The following MYLK variants were observed in gnomAD, a reference collection of about 807,000 sequenced individuals.
MYLK encodes the protein myosin light chain kinase, smooth muscle.
Under a neutral mutation model 203.4 loss-of-function variants are expected in MYLK, and 106 were observed. The observed-to-expected ratio is 0.52, with a 90% CI of 0.45 to 0.61. The LOEUF (loss-of-function observed/expected upper bound fraction) is 0.61. MYLK is among the 20% of genes least tolerant of loss of function. The pLI is 0.00. For missense variants in MYLK, 2,072 were observed against 2,442.3 expected, an observed-to-expected ratio of 0.85 and a Z score of 3.20; for synonymous variants, 867 against 959.5, an observed-to-expected ratio of 0.90 and a Z score of 1.78.
intron 3 of MYLK, among the ~76,000 whole-genome samples, chr3:123,830,829 C>A (rs1386268217): frequency 6.6e-6 from 1 of 152,208 alleles, no homozygotes; most frequent in Non-Finnish European, 1.5e-5. Context: ...AATGGAAACA[C>A]CCTAAGCCCC....
In MYLK at chr3:123,738,957, C is replaced by A. The variant is rs1468699497; in HGVS notation, c.528G>T (p.Gln176His). ...KLGRVVVKEG[Q>H]MGRFSCKITG... The stretch of plus-strand genomic sequence containing the variant: ...TGATCTTGCAGGAGAATCGTCCCAT[C>A]TGTCCTTCTTTGACCACAACTCGGC... Residue 176 changes from glutamine (Q) to histidine (H), a missense_variant, in exon 7 of 34, where the codon CAG becomes CAT. Transcript: ENST00000360304. The A allele has an allele frequency of 6.2e-7, 1 of 1,613,318 alleles. No individual in the cohort carries two copies. Among genetic ancestry groups the A allele is most frequent in the Non-Finnish European group, 8.5e-7 (1 of 1,179,778 alleles).
intron 2 of MYLK, among the ~76,000 whole-genome samples, chr3:123,843,631 T>A (rs2682233): frequency 0.021 from 3,146 of 152,246 alleles, 100 homozygotes; most frequent in African/African-American, 0.071. Context: ...GAAGACTGGT[T>A]CCTTCTGCAG....
At chr3:123,829,424 G>C (rs1001074805) in intron 3 of MYLK, among the ~76,000 whole-genome samples, 4 of 152,104 alleles carry the variant, frequency 2.6e-5, no homozygotes, top group Non-Finnish European at 5.9e-5. Flanking sequence ...GTAGAACAGA[G>C]CATACTAGAG....
At chr3:123,649,295 C>A in intron 24 of MYLK, 101 bp from the exon 25 acceptor site, 1 of 1,480,294 alleles carries the variant, frequency 6.8e-7, no homozygotes, top group East Asian at 2.3e-5. Context: ...CCTCAGCCTC[C>A]CCAGGCAGAC....
At chr3:123,634,657 TC>T (rs1393463295) in intron 29 of MYLK, among the ~76,000 whole-genome samples, 4 of 152,146 alleles carry the variant, frequency 2.6e-5, no homozygotes, top group African/African-American at 9.7e-5. Context: ...GCTGGTTCGC[TC>T]TGGCTTGAGG....
rs750871704 is a variant in MYLK at position 123,726,001 on chromosome 3, C to A, written c.1594G>T (p.Val532Leu). 6.2e-7 allele frequency: 1 copy of A among 1,614,198 alleles called. No homozygotes were observed. The highest frequency in any genetic ancestry group is 8.5e-7 in the Non-Finnish European group (1 of 1,180,030). ...DCAVIEGQDF[V>L]LQCSVRGTPV... is the part of the protein sequence containing the mutation. Reference sequence around the variant, plus strand: ...GTCCCCCGTACGGAGCACTGCAGCACAAAATCCTGGCCCTCAATAACAGCG... The same window carrying A: ...GTCCCCCGTACGGAGCACTGCAGCAAAAAATCCTGGCCCTCAATAACAGCG... The change falls in exon 12 of 34, where the codon GTG becomes TTG. Residue 532 changes from valine to leucine, a missense_variant. By Grantham distance (32) the Val-to-Leu change is conservative. Coordinates refer to ENST00000360304, the MANE Select transcript of MYLK (RefSeq NM_053025.4).
At chr3:123,615,730 C>T (rs1402339236) in intron 33 of MYLK, among the ~76,000 whole-genome samples, 1 of 151,280 alleles carries the variant, frequency 6.6e-6, no homozygotes, top group African/African-American at 2.4e-5. Flanking sequence ...GTCACTGCAA[C>T]TTCCAATGTC....
At chr3:123,754,444 A>G (rs1410711945) in intron 4 of MYLK, among the ~76,000 whole-genome samples, 1 of 152,220 alleles carries the variant, frequency 6.6e-6, no homozygotes, top group East Asian at 1.9e-4. Context: ...ATCAAAATCT[A>G]AACTATACTC....
At chr3:123,704,136 G>A (rs746083998) in intron 16 of MYLK, among the ~76,000 whole-genome samples, 7 of 152,320 alleles carry the variant, frequency 4.6e-5, no homozygotes, top group Non-Finnish European at 1.0e-4. Context: ...CAGTCTAAGG[G>A]GTCAGAGAAA....
At chr3:123,823,060 G>C (rs2065990475) in intron 3 of MYLK, among the ~76,000 whole-genome samples, 1 of 152,100 alleles carries the variant, frequency 6.6e-6, no homozygotes, top group Non-Finnish European at 1.5e-5. Context: ...TGTGATAATG[G>C]GTTTAAACAC....
intron 18 of MYLK, among the ~76,000 whole-genome samples, chr3:123,696,767 G>A (rs1352284328): frequency 6.6e-6 from 1 of 152,022 alleles, no homozygotes; most frequent in Non-Finnish European, 1.5e-5. Flanking sequence ...TTGTCTTTTG[G>A]GCACAGAGTC....
At chr3:123,667,333 G>T in intron 20 of MYLK, 146 bp from the exon 21 acceptor site, 1 of 819,372 alleles carries the variant, frequency 1.2e-6, no homozygotes. Flanking sequence ...TGAGCACGGT[G>T]GCTCACACCT....
chr3:123,704,591 T>C (rs1478744133), intron 16 of MYLK, among the ~76,000 whole-genome samples: 1 of 152,046 alleles, frequency 6.6e-6, no homozygotes, highest in Non-Finnish European at 1.5e-5. Context: ...ATGGGTTCTA[T>C]ATGGAAAAAT....
At chr3:123,664,015 T>G (rs973964271) in intron 23 of MYLK, 90 bp downstream of exon 23, 1 of 1,559,264 alleles carries the variant, frequency 6.4e-7, no homozygotes, top group African/African-American at 1.4e-5. Context: ...AGATAATGGG[T>G]GATGAAGTCC....
chr3:123,618,510 C>A lies in MYLK; in HGVS notation c.5500+129G>T, dbSNP rs530740798. 2.3e-6 allele frequency: 3 copies of A among 1,331,380 alleles called. No homozygotes were observed. The South Asian group carries it at 3.6e-5, about 16-fold the overall frequency. The allele number at this position is 1,331,380 out of a possible 1,614,324, so 82.5% of individuals were successfully genotyped here. On this transcript the variant is annotated intron_variant, in intron 33 of 33. Coordinates refer to ENST00000360304, the MANE Select transcript of MYLK (RefSeq NM_053025.4). ...AGCAGCTCCTGCTGACCCAGTTTCC[C>A]CCAAAGCTTGGCAGTTCCTCATTGT...
chr3:123,708,261 C>T lies in MYLK; in HGVS notation c.2141-258G>A, dbSNP rs184075647. On this transcript the variant is annotated intron_variant, in intron 15 of 33. Transcript: ENST00000360304. ...AGGTAGCCCAGAAGGCACGGGGCAC[C>T]GAGCCAGGTGCTAATGATCTGTATC... 2.2e-3 allele frequency among the ~76,000 whole-genome samples: 337 copies of T among 152,220 alleles called. 2 individuals are homozygous for T. Among genetic ancestry groups the T allele is most frequent in the Middle Eastern group, 0.01 (3 of 294 alleles).
chr3:123,866,222 T>C (rs1232970900), intron 2 of MYLK, among the ~76,000 whole-genome samples: 1 of 152,176 alleles, frequency 6.6e-6, no homozygotes, highest in Non-Finnish European at 1.5e-5. Context: ...CTCCCAGCAA[T>C]TGATGACTGG....
intron 1 of MYLK, among the ~76,000 whole-genome samples, chr3:123,877,417 A>C (rs899430358): frequency 1.3e-5 from 2 of 152,198 alleles, no homozygotes; most frequent in Non-Finnish European, 2.9e-5. Context: ...TAATACTCCA[A>C]GTGTGAGCTA....
At chr3:123,704,844 C>T (rs1436833124) in intron 16 of MYLK, among the ~76,000 whole-genome samples, 4 of 151,848 alleles carry the variant, frequency 2.6e-5, no homozygotes, top group Admixed American at 6.6e-5. Context: ...GGCGTGAACC[C>T]GGGAGGTGGA....
Sources: allele counts gnomAD v4.1 joint callset (sites outside exome capture counted in the v4.1 genomes callset), GRCh38; gene constraint gnomAD v4.1.1; transcripts MANE v1.5; gene names NCBI Gene and HGNC (gene_info 2026-07-23, HGNC 2026-07-21).